Variants in RASA3 observed in about 807,000 individuals in gnomAD.
The protein encoded by RASA3 is ras GTPase-activating protein 3.
A neutral mutation model predicts 110.0 loss-of-function variants in RASA3; 73 were observed. The observed-to-expected ratio is 0.66, with a 90% CI of 0.55 to 0.81. The LOEUF (loss-of-function observed/expected upper bound fraction) is 0.81. Among genes scored for constraint, RASA3 ranks in the 30% least tolerant of loss-of-function variants. The probability of loss-of-function intolerance (pLI) is 0.00; values close to 1 mark genes in which losing one functional copy is unlikely to be tolerated. For synonymous variants in RASA3, 500 were observed against 451.4 expected, an observed-to-expected ratio of 1.11 and a Z score of -1.37; for missense variants, 976 against 1,113.2, an observed-to-expected ratio of 0.88 and a Z score of 1.75.
chr13:114,054,505 C>A (rs1312576944), intron 2 of RASA3, among the ~76,000 whole-genome samples: 1 of 152,154 alleles, frequency 6.6e-6, no homozygotes, highest in East Asian at 1.9e-4. Context: ...GGTCCAGAGT[C>A]CAGGCCCCAC....
rs12429391 is a variant in RASA3 at position 114,052,965 on chromosome 13, C to T, written c.174-810G>A. Among the ~76,000 whole-genome samples the T allele has an allele frequency of 7.9e-3, 969 of 122,850 alleles. 91 individuals carry two copies. The highest frequency in any genetic ancestry group is 0.06 in the Admixed American group (706 of 11,766). 80.6% of individuals were successfully genotyped at this position (122,850 alleles called of 152,430 possible). A position where few individuals can be genotyped will look rare whatever the true frequency, so the allele number is the denominator to read the frequency against. On this transcript the variant is annotated intron_variant, in intron 2 of 23. Coordinates refer to ENST00000334062, the MANE Select transcript of RASA3 (RefSeq NM_007368.4). Reference sequence around the variant, plus strand: ...GAGTCCTCGCTCCTGGGGGAGAAATCGCCACTGCTGACTGTGCGTAGAGTC... The same window carrying T: ...GAGTCCTCGCTCCTGGGGGAGAAATTGCCACTGCTGACTGTGCGTAGAGTC...
intron 3 of RASA3, among the ~76,000 whole-genome samples, chr13:114,051,071 C>T (rs1420374414): frequency 2.6e-5 from 4 of 152,190 alleles, no homozygotes; most frequent in Non-Finnish European, 2.9e-5. Context: ...ACCGGGACCC[C>T]GCCCACGCAC....
intron 7 of RASA3, among the ~76,000 whole-genome samples, chr13:114,025,963 G>A (rs2054018260): frequency 6.6e-6 from 1 of 152,196 alleles, no homozygotes; most frequent in African/African-American, 2.4e-5. Context: ...GGAGTGAAAG[G>A]TCACAGAGCC....
intron 4 of RASA3, among the ~76,000 whole-genome samples, chr13:114,036,630 C>T (rs1210955231): frequency 4.6e-5 from 7 of 152,148 alleles, no homozygotes; most frequent in Non-Finnish European, 1.0e-4. Context: ...CTCCGCCTCC[C>T]GGGTTCAAGC....
intron 1 of RASA3, among the ~76,000 whole-genome samples, chr13:114,076,568 G>GGCAGCACACGCAC (rs1305398898): frequency 6.6e-6 from 1 of 151,504 alleles, no homozygotes; most frequent in East Asian, 1.9e-4. Context: ...AGCACACGCA[G>GGCAGCACACGCAC]GCAGCACACG....
rs1463696477 is a variant in RASA3 at position 114,007,570 on chromosome 13, G to C, written c.1705C>G (p.Pro569Ala). Residue 569 changes from proline (P) to alanine (A), a missense_variant, in exon 18 of 24, where the codon CCC becomes GCC. By Grantham distance (27) the Pro-to-Ala change is conservative. Transcript: ENST00000334062. ...DLISSSGRRD[P>A]KSVEQPIVLK... ...ACGATGGGCTGCTCAACACTCTTGG[G>C]GTCTCTTCTCCCCGAGGACGAAATC... 6.2e-7 allele frequency: 1 copy of C among 1,613,468 alleles called. No homozygotes were observed. Among genetic ancestry groups the C allele is most frequent in the Non-Finnish European group, 8.5e-7 (1 of 1,179,864 alleles).
intron 21 of RASA3, among the ~76,000 whole-genome samples, chr13:113,996,143 T>G: frequency 6.6e-6 from 1 of 150,870 alleles, no homozygotes. Flanking sequence ...GGCTGCTGCG[T>G]CATGTGGAAT....
chr13:114,076,975 T>A (rs2079695646), intron 1 of RASA3, among the ~76,000 whole-genome samples: 1 of 152,224 alleles, frequency 6.6e-6, no homozygotes, highest in Non-Finnish European at 1.5e-5. Context: ...TTTGTTTTTG[T>A]TTTGTTTTCT....
chr13:113,982,462 C>G (rs897914915), intron 22 of RASA3, among the ~76,000 whole-genome samples: 1 of 152,254 alleles, frequency 6.6e-6, no homozygotes, highest in African/African-American at 2.4e-5. Flanking sequence ...CCTTCCTAAT[C>G]GGACCACATC....
chr13:114,021,614 C>T (rs763900905), intron 8 of RASA3, 106 bp from the exon 9 acceptor site: 50 of 860,238 alleles, frequency 5.8e-5, no homozygotes, highest in Middle Eastern at 3.0e-4. Flanking sequence ...GAGCCTGCAG[C>T]GCCTCCCAGA....
At chr13:114,030,047 G>A (rs1291831722) in intron 4 of RASA3, among the ~76,000 whole-genome samples, 160 bp from the exon 5 acceptor site, 1 of 152,250 alleles carries the variant, frequency 6.6e-6, no homozygotes, top group Non-Finnish European at 1.5e-5. Flanking sequence ...CCCCCGGGAC[G>A]CAGGGTCCCA....
intron 14 of RASA3, among the ~76,000 whole-genome samples, chr13:114,013,557 T>C (rs966948124): frequency 1.4e-5 from 2 of 141,136 alleles, no homozygotes; most frequent in Admixed American, 1.4e-4. Context: ...TTTGTCCCTC[T>C]GTCTCTCTCC....
At chr13:114,017,467 G>C in intron 11 of RASA3, 116 bp from the exon 12 acceptor site, 1 of 816,578 alleles carries the variant, frequency 1.2e-6, no homozygotes, top group Non-Finnish European at 2.1e-6. Context: ...ACGCCCATCA[G>C]TCGGCTTCCT....
chr13:114,043,631 T>C (rs1370981516), intron 3 of RASA3, among the ~76,000 whole-genome samples: 5 of 151,916 alleles, frequency 3.3e-5, no homozygotes, highest in African/African-American at 1.2e-4. Context: ...AAACCACCAC[T>C]GAGGGCAGGC....
In RASA3 at chr13:114,019,145, G is replaced by A. The variant is rs192203216; in HGVS notation, c.786-226C>T. Reference sequence around the variant, plus strand: ...TGGAGCCAAAGGCGCAGGAGTCAAGGGGGGAAACGCGGAGGGGGATGGGGG... The same window carrying A: ...TGGAGCCAAAGGCGCAGGAGTCAAGAGGGGAAACGCGGAGGGGGATGGGGG... On this transcript the variant is annotated intron_variant, in intron 9 of 23. Transcript: ENST00000334062. Among the ~76,000 whole-genome samples, 38 of 152,268 alleles carry A rather than the reference G, an allele frequency of 2.5e-4. No homozygotes were observed. In the East Asian group the frequency reaches 6.8e-3, roughly 27 times the overall value.
At position 114,048,975 on chromosome 13, in the gene RASA3, G is replaced by A. The variant is rs1220629867; in HGVS notation, c.277+3077C>T. On this transcript the variant is annotated intron_variant, in intron 3 of 23. Coordinates refer to ENST00000334062, the MANE Select transcript of RASA3 (RefSeq NM_007368.4). The surrounding 1 kb of genome is among the most constrained non-coding windows in gnomAD (Gnocchi z 4.3). ...TCAGCTGCCTTTCTCGGTTTCTGTC[G>A]CCACCGCCCTCCCCCTCCAGGCTGA... Among the ~76,000 whole-genome samples the A allele has an allele frequency of 1.3e-5, 2 of 151,988 alleles. No homozygotes were observed. The highest frequency in any genetic ancestry group is 6.6e-5 in the Admixed American group (1 of 15,260).
chr13:114,008,539 G>C (rs12865156), intron 17 of RASA3, among the ~76,000 whole-genome samples: 7 of 33,730 alleles, frequency 2.1e-4, no homozygotes, highest in African/African-American at 2.7e-4. Context: ...CAGAGCCCTG[G>C]GGCCTGGATA....
At chr13:114,027,577 A>T in intron 6 of RASA3, 116 bp from the exon 7 acceptor site, 1 of 846,712 alleles carries the variant, frequency 1.2e-6, no homozygotes, top group Non-Finnish European at 1.9e-6. Flanking sequence ...TTTATTTTAT[A>T]AATATTTCTG....
intron 1 of RASA3, among the ~76,000 whole-genome samples, chr13:114,126,937 C>T (rs1410336716): frequency 6.6e-6 from 1 of 151,964 alleles, no homozygotes; most frequent in African/African-American, 2.4e-5. Flanking sequence ...TCCACGTCTC[C>T]CCCGAGGGCC....
Sources: allele counts gnomAD v4.1 joint callset (sites outside exome capture counted in the v4.1 genomes callset), GRCh38; gene constraint gnomAD v4.1.1; non-coding constraint Gnocchi (gnomAD v3.1); transcripts MANE v1.5; gene names NCBI Gene and HGNC (gene_info 2026-07-23, HGNC 2026-07-21).